Variants in KDM5A observed in about 807,000 individuals in gnomAD.
The protein encoded by KDM5A is lysine-specific demethylase 5A.
In KDM5A, 42 loss-of-function variants were observed where a neutral mutation model predicts 193.5. That is an observed-to-expected ratio of 0.22 (90% CI 0.17 to 0.28). The LOEUF is 0.28. KDM5A is among the 10% of genes least tolerant of loss of function. KDM5A has a pLI of 1.00. For missense variants in KDM5A, 1,692 were observed against 2,055.1 expected (o/e 0.82, Z 3.42); for synonymous variants, 796 against 718.1 (o/e 1.11, Z -1.73).
intron 27 of KDM5A, among the ~76,000 whole-genome samples, chr12:290,188 C>A (rs144500126): frequency 2.6e-5 from 4 of 152,194 alleles, no homozygotes; most frequent in Non-Finnish European, 5.9e-5. Flanking sequence ...CAGAGAAACA[C>A]TAAACACTGA....
At chr12:354,341 CAT>C in intron 7 of KDM5A, 107 bp from the exon 8 acceptor site, 1 of 756,226 alleles carries the variant, frequency 1.3e-6, no homozygotes, top group Non-Finnish European at 2.2e-6. Context: ...GAAAAGTAAA[CAT>C]AACTTAAATC....
At chr12:293,932 G>C (rs1943337063) in intron 26 of KDM5A, among the ~76,000 whole-genome samples, 1 of 151,434 alleles carries the variant, frequency 6.6e-6, no homozygotes, top group Non-Finnish European at 1.5e-5. Flanking sequence ...AGGAGAAAAA[G>C]GGCATATAAA....
intron 10 of KDM5A, among the ~76,000 whole-genome samples, chr12:340,761 T>A (rs2137434631): frequency 7.2e-6 from 1 of 138,518 alleles, no homozygotes; most frequent in East Asian, 2.2e-4. Context: ...TATGAGATAA[T>A]GAATATTTGT....
At chr12:352,979 G>A (rs138997503) in intron 8 of KDM5A, among the ~76,000 whole-genome samples, 267 of 152,244 alleles carry the variant, frequency 1.8e-3, no homozygotes, top group Middle Eastern at 3.4e-3. Context: ...GGCATTTCAC[G>A]ACAATGACAA....
chr12:338,395 A>G (rs979071945), intron 10 of KDM5A, among the ~76,000 whole-genome samples: 13 of 152,218 alleles, frequency 8.5e-5, no homozygotes, highest in South Asian at 2.1e-4. Flanking sequence ...GTAAAGCACT[A>G]AACACTTTAC....
intron 8 of KDM5A, among the ~76,000 whole-genome samples, chr12:352,721 G>C (rs1442019584): frequency 6.6e-6 from 1 of 152,218 alleles, no homozygotes; most frequent in Non-Finnish European, 1.5e-5. Context: ...TAAGGGGATA[G>C]CCACTGGATT....
At chr12:325,887 G>A (rs886120450) in intron 14 of KDM5A, among the ~76,000 whole-genome samples, 15 of 152,074 alleles carry the variant, frequency 9.9e-5, no homozygotes, top group Admixed American at 2.6e-4. Flanking sequence ...GGTGGTGAAC[G>A]CCTGTAATCC....
At chr12:321,253 CA>C in intron 17 of KDM5A, 144 bp from the exon 18 acceptor site, 2 of 670,264 alleles carry the variant, frequency 3.0e-6, no homozygotes, top group Non-Finnish European at 5.4e-6. Flanking sequence ...GTGACCACTT[CA>C]AAACAGTTGA....
At chr12:308,144 C>T in intron 22 of KDM5A, 139 bp from the exon 23 acceptor site, 1 of 824,048 alleles carries the variant, frequency 1.2e-6, no homozygotes, top group South Asian at 1.5e-5. Context: ...CTGGCGGTTT[C>T]CATGCAAACA....
chr12:357,682 G>T (rs1279527056), intron 5 of KDM5A, among the ~76,000 whole-genome samples: 1 of 151,514 alleles, frequency 6.6e-6, no homozygotes, highest in African/African-American at 2.4e-5. Flanking sequence ...ACAAAAATTA[G>T]CCAGGCATGG....
At chr12:357,853 A>AAAAAAAAAAC in intron 5 of KDM5A, among the ~76,000 whole-genome samples, 1 of 149,116 alleles carries the variant, frequency 6.7e-6, no homozygotes, top group Non-Finnish European at 1.5e-5. Context: ...AAAAAAAAAA[A>AAAAAAAAAAC]AGCCCTTTTG....
chr12:310,497 GGT>G (rs1943570254), intron 21 of KDM5A, among the ~76,000 whole-genome samples: 2 of 152,108 alleles, frequency 1.3e-5, no homozygotes, highest in African/African-American at 2.4e-5. Context: ...AGCCAGGCAT[GGT>G]GTAGCATGCC....
Position 286,850 on chromosome 12 carries a change from T to C in KDM5A, c.4867-1188A>G, listed in dbSNP as rs148923789. On this transcript the variant is annotated intron_variant, in intron 27 of 27. Coordinates refer to ENST00000399788, the MANE Select transcript of KDM5A (RefSeq NM_001042603.3). ...TTGTCAAAATGATATTCTACTTGTTTTGTTCCTATGCTAAAGTTCTAGATC... is the reference window on the plus strand; with the variant it reads ...TTGTCAAAATGATATTCTACTTGTTCTGTTCCTATGCTAAAGTTCTAGATC... 2.9e-3 allele frequency among the ~76,000 whole-genome samples: 449 copies of C among 152,290 alleles called. 2 individuals are homozygous for C. Among genetic ancestry groups the C allele is most frequent in the African/African-American group, 0.01 (431 of 41,552 alleles).
chr12:362,756 C>A (rs1285658458), intron 5 of KDM5A, among the ~76,000 whole-genome samples: 7 of 152,274 alleles, frequency 4.6e-5, no homozygotes, highest in African/African-American at 1.7e-4. Context: ...CCTCCCGTGA[C>A]CAGGTAACTG....
At chr12:357,304 C>G (rs1035776713) in intron 5 of KDM5A, among the ~76,000 whole-genome samples, 1 of 149,116 alleles carries the variant, frequency 6.7e-6, no homozygotes, top group African/African-American at 2.5e-5. Flanking sequence ...AAAGCTTCTC[C>G]CAGCCTGGGC....
At chr12:325,334 C>T (rs1309231332) in intron 14 of KDM5A, among the ~76,000 whole-genome samples, 1 of 152,198 alleles carries the variant, frequency 6.6e-6, no homozygotes, top group Non-Finnish European at 1.5e-5. Flanking sequence ...AATTTTATAC[C>T]ATTTCCCAAA....
chr12:336,948 G>T (rs1421619560), intron 10 of KDM5A, among the ~76,000 whole-genome samples: 1 of 152,172 alleles, frequency 6.6e-6, no homozygotes, highest in African/African-American at 2.4e-5. Context: ...CATGGGTTTG[G>T]ATTGTGATAT....
chr12:360,704 A>G lies in KDM5A; in HGVS notation c.672+2259T>C, dbSNP rs563204763. 2.0e-5 allele frequency among the ~76,000 whole-genome samples: 3 copies of G among 152,388 alleles called. No homozygotes were observed. In the South Asian group the frequency reaches 6.2e-4, roughly 32 times the overall value. ...CAGATGTTGAGGAAACTGAGACAATAAAGACTATTTGTCAAGAAACTTCTG... is the reference window on the plus strand; with the variant it reads ...CAGATGTTGAGGAAACTGAGACAATGAAGACTATTTGTCAAGAAACTTCTG... On this transcript the variant is annotated intron_variant, in intron 5 of 27. Transcript: ENST00000399788.
chr12:342,460 G>GT lies in KDM5A; in HGVS notation c.1309-8039dup, dbSNP rs919665418. ...ATTTCTGGACCTACCAATAAAATGT[G>GT]TTTTTTTTTTCCTCTTGGAGACAGA... On this transcript the variant is annotated intron_variant, in intron 10 of 27. Transcript: ENST00000399788. Among the ~76,000 whole-genome samples the GT allele has an allele frequency of 4.4e-4, 66 of 150,260 alleles. 1 individual carries two copies. The highest frequency in any genetic ancestry group is 6.8e-4 in the Non-Finnish European group (46 of 67,274).
Sources: allele counts gnomAD v4.1 joint callset (sites outside exome capture counted in the v4.1 genomes callset), GRCh38; gene constraint gnomAD v4.1.1; transcripts MANE v1.5; gene names NCBI Gene and HGNC (gene_info 2026-07-23, HGNC 2026-07-21).